The following CCSER1 variants were observed in gnomAD, a reference collection of about 807,000 sequenced individuals.
CCSER1 encodes serine-rich coiled-coil domain-containing protein 1.
A neutral mutation model predicts 82.0 loss-of-function variants in CCSER1; 41 were observed. That is an observed-to-expected ratio of 0.50 (90% CI 0.39 to 0.65). The LOEUF (loss-of-function observed/expected upper bound fraction) is 0.65, where lower values mean the gene tolerates loss of function less well. CCSER1 is among the 30% of genes least tolerant of loss of function. The pLI is 0.00. For synonymous variants in CCSER1, 414 were observed against 383.9 expected, an observed-to-expected ratio of 1.08 and a Z score of -0.92; for missense variants, 1,119 against 1,064.2, an observed-to-expected ratio of 1.05 and a Z score of -0.72.
chr4:90,353,814 C>G (rs997636592), intron 3 of CCSER1, among the ~76,000 whole-genome samples: 1 of 152,108 alleles, frequency 6.6e-6, no homozygotes, highest in Non-Finnish European at 1.5e-5. Context: ...TGGTACTGGC[C>G]GGAGGAACCC....
intron 10 of CCSER1, among the ~76,000 whole-genome samples, chr4:91,391,120 T>C (rs1355487949): frequency 6.6e-6 from 1 of 152,126 alleles, no homozygotes; most frequent in East Asian, 1.9e-4. Flanking sequence ...GGATTTAATT[T>C]ATTAAGGTGG....
intron 7 of CCSER1, among the ~76,000 whole-genome samples, chr4:90,791,779 G>A (rs536839387): frequency 8.7e-5 from 13 of 149,176 alleles, no homozygotes; most frequent in Admixed American, 5.4e-4. Flanking sequence ...CCGAGATCGC[G>A]CCACTGCACT....
At chr4:90,344,198 T>C (rs1364962310) in intron 3 of CCSER1, among the ~76,000 whole-genome samples, 2 of 152,338 alleles carry the variant, frequency 1.3e-5, no homozygotes, top group African/African-American at 4.8e-5. Context: ...GTTCCATCCA[T>C]GTTGTTCCAG....
chr4:90,610,874 CT>C (rs1281664227), intron 5 of CCSER1, among the ~76,000 whole-genome samples: 1 of 151,550 alleles, frequency 6.6e-6, no homozygotes, highest in East Asian at 1.9e-4. Context: ...AGTTGATATT[CT>C]TTTTTTGTTG....
At chr4:90,434,464 T>C (rs982193608) in intron 4 of CCSER1, among the ~76,000 whole-genome samples, 2 of 152,156 alleles carry the variant, frequency 1.3e-5, no homozygotes, top group Non-Finnish European at 2.9e-5. Flanking sequence ...GTAAAATTTA[T>C]TGGGAGCCAC....
At chr4:91,429,588 T>C (rs983659436) in intron 10 of CCSER1, among the ~76,000 whole-genome samples, 1 of 151,920 alleles carries the variant, frequency 6.6e-6, no homozygotes, top group African/African-American at 2.4e-5. Context: ...TCTGTAAACA[T>C]TTTGAAGCAA....
chr4:90,851,466 TG>T (rs544445577), intron 8 of CCSER1, among the ~76,000 whole-genome samples: 5 of 27,484 alleles, frequency 1.8e-4, no homozygotes, highest in East Asian at 1.9e-3. Flanking sequence ...TGGGGAGGGG[TG>T]GGGGGGGCGC....
chr4:91,580,291 C>T (rs72886319), intron 10 of CCSER1, among the ~76,000 whole-genome samples: 2,369 of 151,970 alleles, frequency 0.016, 67 homozygotes, highest in African/African-American at 0.054. Context: ...TGTCCCTGCT[C>T]ACTATGTTGA....
At chr4:90,787,224 T>C (rs897088) in intron 7 of CCSER1, among the ~76,000 whole-genome samples, 89,530 of 151,906 alleles carry the variant, frequency 0.59, 26,717 homozygotes, top group African/African-American at 0.68. Context: ...AAGGACTTAA[T>C]ACAATTAGAA....
At chr4:91,308,174 A>G (rs1432103996) in intron 10 of CCSER1, among the ~76,000 whole-genome samples, 1 of 151,904 alleles carries the variant, frequency 6.6e-6, no homozygotes, top group Admixed American at 6.6e-5. Context: ...ATTTTATACC[A>G]CTGCACTGTT....
chr4:90,311,434 G>T lies in CCSER1; in HGVS notation c.1325-1429G>T, dbSNP rs574505200. ...AATTTTGCTGATTTGATAATGTGTT[G>T]GCTGTTCTTGGATAAATAAGCTGGT... On this transcript the variant is annotated intron_variant, in intron 2 of 10. Coordinates refer to ENST00000509176, the MANE Select transcript of CCSER1 (RefSeq NM_001145065.2). 5.3e-5 allele frequency among the ~76,000 whole-genome samples: 8 copies of T among 152,104 alleles called. No individual in the cohort carries two copies. The East Asian group carries it at 1.4e-3, about 26-fold the overall frequency.
At chr4:90,440,863 C>T (rs940953298) in intron 4 of CCSER1, among the ~76,000 whole-genome samples, 7 of 152,000 alleles carry the variant, frequency 4.6e-5, no homozygotes, top group African/African-American at 1.7e-4. Context: ...AAGACCAGGG[C>T]TTAAAATTTA....
intron 1 of CCSER1, among the ~76,000 whole-genome samples, chr4:90,231,732 T>C (rs530111710): frequency 3.9e-5 from 6 of 152,244 alleles, no homozygotes; most frequent in African/African-American, 4.8e-5. Context: ...TCCATTGTCT[T>C]AGCCCAAAAT....
At chr4:90,689,467 A>T (rs1735423679) in intron 6 of CCSER1, among the ~76,000 whole-genome samples, 1 of 152,308 alleles carries the variant, frequency 6.6e-6, no homozygotes, top group African/African-American at 2.4e-5. Context: ...GCTCGTTGAT[A>T]TAGATAAAAT....
chr4:90,492,344 C>A (rs1393450770), intron 5 of CCSER1, among the ~76,000 whole-genome samples: 3 of 152,150 alleles, frequency 2.0e-5, no homozygotes, highest in Admixed American at 2.0e-4. Flanking sequence ...GTTTGTATAT[C>A]TGTGGGATTG....
At chr4:91,482,087 G>A (rs1757949135) in intron 10 of CCSER1, among the ~76,000 whole-genome samples, 1 of 152,066 alleles carries the variant, frequency 6.6e-6, no homozygotes, top group South Asian at 2.1e-4. Context: ...TCTCACACCA[G>A]TTAGAATGGT....
intron 4 of CCSER1, among the ~76,000 whole-genome samples, chr4:90,411,088 A>T (rs541539235): frequency 1.9e-4 from 29 of 152,308 alleles, no homozygotes; most frequent in East Asian, 1.5e-3. Flanking sequence ...AAGTTGAATC[A>T]CTGAATAGAC....
At chr4:91,564,576 A>C (rs1360438390) in intron 10 of CCSER1, among the ~76,000 whole-genome samples, 5 of 151,692 alleles carry the variant, frequency 3.3e-5, no homozygotes, top group Admixed American at 6.6e-5. Context: ...ACTTTTTCAT[A>C]ATTAGCCCTT....
intron 1 of CCSER1, among the ~76,000 whole-genome samples, chr4:90,140,813 C>T (rs776790648): frequency 5.9e-5 from 9 of 151,274 alleles, no homozygotes; most frequent in Admixed American, 2.0e-4. Flanking sequence ...TACAGGCATG[C>T]GCCACCAAGC....
Sources: gnomAD v4.1 joint callset for allele counts (sites outside exome capture counted in the v4.1 genomes callset) on GRCh38, gnomAD v4.1.1 for gene constraint, MANE v1.5 for transcripts, NCBI Gene and HGNC (gene_info 2026-07-23, HGNC 2026-07-21) for gene names.